Variants in ZNF782 observed in about 807,000 individuals in gnomAD.
ZNF782 encodes the protein zinc finger protein 782.
Under a neutral mutation model 13.0 loss-of-function variants are expected in ZNF782, and 12 were observed. The ratio of observed to expected loss-of-function variants is 0.92; its 90% CI spans 0.59 to 1.50. The LOEUF (loss-of-function observed/expected upper bound fraction) is 1.50. Ranked by LOEUF, ZNF782 falls within the 40% of genes most tolerant of loss-of-function variation. The probability of loss-of-function intolerance (pLI) is 0.00; values close to 1 mark genes in which losing one functional copy is unlikely to be tolerated. For missense variants in ZNF782, 770 were observed against 822.9 expected (o/e 0.94, Z 0.79); for synonymous variants, 284 against 283.0 (o/e 1.00, Z -0.04).
intron 4 of ZNF782, among the ~76,000 whole-genome samples, chr9:96,838,239 T>C (rs537041851): frequency 6.6e-6 from 1 of 152,332 alleles, no homozygotes; most frequent in East Asian, 1.9e-4. Context: ...AAAGCACACT[T>C]TTTATGATTT....
At chr9:96,901,538 C>G in the ZNF782 span, among the ~76,000 whole-genome samples, 12 of 151,900 alleles carry the variant, frequency 7.9e-5, no homozygotes, top group African/African-American at 2.9e-4. Context: ...TCCCAAAGCG[C>G]TGGGATTACA....
At chr9:96,926,360 A>C in the ZNF782 span, among the ~76,000 whole-genome samples, 6 of 152,048 alleles carry the variant, frequency 3.9e-5, no homozygotes, top group South Asian at 1.2e-3. Context: ...CCTCAGAAAG[A>C]TCTCCAAAGC....
At chr9:96,894,226 G>A in the ZNF782 span, 1 of 152,010 alleles carries the variant, frequency 6.6e-6, no homozygotes, top group African/African-American at 2.4e-5. Flanking sequence ...ATAGCATTAG[G>A]AGAAATACCT....
intron 5 of ZNF782, among the ~76,000 whole-genome samples, chr9:96,823,534 TTCTC>T (rs1850497409): frequency 6.6e-6 from 1 of 152,228 alleles, no homozygotes; most frequent in African/African-American, 2.4e-5. Flanking sequence ...GCCCTTTCTC[TTCTC>T]TGTTTTTTGA....
Position 96,850,211 on chromosome 9 carries a change from T to TAAAC in ZNF782, c.15+1735_15+1736insGTTT. Among the ~76,000 whole-genome samples, 1 of 151,986 alleles carries TAAAC rather than the reference T, an allele frequency of 6.6e-6. No homozygotes were observed. The highest frequency in any genetic ancestry group is 1.5e-5 in the Non-Finnish European group (1 of 67,958). ...TAAATGAAAAAGAAACCAGCACACG[T>TAAAC]TTGTAGCAGCACGATTCACAATTGC... On this transcript the variant is annotated intron_variant, in intron 3 of 5. Coordinates refer to ENST00000481138, the MANE Select transcript of ZNF782 (RefSeq NM_001001662.3). This position sits in a 1 kb window ranked among gnomAD's most constrained non-coding sequence, Gnocchi z 4.3.
At chr9:96,830,924 G>A (rs1246322587) in intron 4 of ZNF782, among the ~76,000 whole-genome samples, 1 of 152,184 alleles carries the variant, frequency 6.6e-6, no homozygotes, top group East Asian at 1.9e-4. Flanking sequence ...TAAATACTCA[G>A]TGGATGGGTT....
intron 5 of ZNF782, among the ~76,000 whole-genome samples, chr9:96,821,111 C>T (rs553020851): frequency 3.9e-5 from 6 of 152,276 alleles, no homozygotes; most frequent in East Asian, 1.9e-4. Context: ...TACTGCTACC[C>T]GCATTCCATG....
chr9:96,818,344 T>G lies in ZNF782; in HGVS notation c.1679A>C (p.Lys560Thr). 6.2e-7 allele frequency: 1 copy of G among 1,614,164 alleles called. No individual in the cohort carries two copies. Among genetic ancestry groups the G allele is most frequent in the Non-Finnish European group, 8.5e-7 (1 of 1,180,024 alleles). The change falls in exon 6 of 6, where the codon AAA (lysine) becomes ACA (threonine). Residue 560 changes from lysine to threonine, a missense_variant. Coordinates refer to ENST00000481138, the MANE Select transcript of ZNF782 (RefSeq NM_001001662.3). ...CCCACAATGATTACATTTATAGGGTTTTTCCCCTGTGTGAATTCTATGATG... is the reference window on the plus strand; with the variant it reads ...CCCACAATGATTACATTTATAGGGTGTTTCCCCTGTGTGAATTCTATGATG... The part of the protein sequence containing the change: ...RGHHRIHTGE[K>T]PYKCNHCGEA...
At chr9:96,837,600 C>A (rs1851041073) in intron 4 of ZNF782, among the ~76,000 whole-genome samples, 1 of 152,046 alleles carries the variant, frequency 6.6e-6, no homozygotes, top group Admixed American at 6.6e-5. Flanking sequence ...TCTTTAGTTT[C>A]TTAAGACGTG....
the ZNF782 span, among the ~76,000 whole-genome samples, chr9:96,898,854 G>A: frequency 3.4e-5 from 5 of 149,018 alleles, 1 homozygote; most frequent in African/African-American, 7.5e-5. Flanking sequence ...GATTACAGGC[G>A]TGAGCCACCG....
At chr9:96,873,315 T>C (rs960430696) in intron 1 of ZNF782, among the ~76,000 whole-genome samples, 3 of 152,172 alleles carry the variant, frequency 2.0e-5, no homozygotes, top group Admixed American at 6.5e-5. Flanking sequence ...TAATATGCAA[T>C]AACTAAGTAG....
At chr9:96,867,585 A>T (rs1346776137) in intron 1 of ZNF782, among the ~76,000 whole-genome samples, 2 of 152,186 alleles carry the variant, frequency 1.3e-5, no homozygotes, top group African/African-American at 2.4e-5. Flanking sequence ...TCTAGCCAAG[A>T]TGTCTCTCTT....
intron 4 of ZNF782, among the ~76,000 whole-genome samples, chr9:96,832,002 T>C (rs1850819053): frequency 6.6e-6 from 1 of 152,200 alleles, no homozygotes; most frequent in Admixed American, 6.5e-5. Context: ...AACGTAATTT[T>C]TGATAAGCTG....
chr9:96,912,757 G>A, the ZNF782 span, among the ~76,000 whole-genome samples: 1 of 151,160 alleles, frequency 6.6e-6, no homozygotes, highest in Non-Finnish European at 1.5e-5. Context: ...TCAAACTCCT[G>A]ACCTCATGAT....
At chr9:96,836,399 G>T (rs976246143) in intron 4 of ZNF782, among the ~76,000 whole-genome samples, 1 of 151,854 alleles carries the variant, frequency 6.6e-6, no homozygotes, top group African/African-American at 2.4e-5. Context: ...TAGTAGAGAC[G>T]GGGTTTCACT....
At chr9:96,851,013 A>G (rs549773124) in intron 3 of ZNF782, among the ~76,000 whole-genome samples, 1 of 152,288 alleles carries the variant, frequency 6.6e-6, no homozygotes, top group South Asian at 2.1e-4. Context: ...TGTGAAAATT[A>G]TAAATTTTTA....
intron 1 of ZNF782, among the ~76,000 whole-genome samples, chr9:96,868,553 G>A (rs1293916591): frequency 6.6e-6 from 1 of 152,186 alleles, no homozygotes; most frequent in African/African-American, 2.4e-5. Flanking sequence ...AAAAGCTGAA[G>A]GCTTGACTAT....
At chr9:96,849,042 G>A (rs1851418452) in intron 3 of ZNF782, among the ~76,000 whole-genome samples, 1 of 152,136 alleles carries the variant, frequency 6.6e-6, no homozygotes, top group Non-Finnish European at 1.5e-5. Flanking sequence ...GTCAACAACT[G>A]ATCTTCGACA....
intron 4 of ZNF782, among the ~76,000 whole-genome samples, chr9:96,835,397 G>A (rs1850959965): frequency 6.6e-6 from 1 of 152,348 alleles, no homozygotes; most frequent in Admixed American, 6.5e-5. Flanking sequence ...GCTTGCTAAA[G>A]AGATTAGAAT....
Sources: gnomAD v4.1 joint callset for allele counts (sites outside exome capture counted in the v4.1 genomes callset) on GRCh38, gnomAD v4.1.1 for gene constraint, Gnocchi (gnomAD v3.1) non-coding constraint, MANE v1.5 for transcripts, NCBI Gene and HGNC (gene_info 2026-07-23, HGNC 2026-07-21) for gene names.